Variants in TSPAN18 observed in about 807,000 individuals in gnomAD.
TSPAN18 encodes the protein tetraspanin 18.
Under a neutral mutation model 27.3 loss-of-function variants are expected in TSPAN18, and 14 were observed. The ratio of observed to expected loss-of-function variants is 0.51; its 90% confidence interval spans 0.34 to 0.80. TSPAN18 has a LOEUF of 0.80. Ranked by LOEUF, TSPAN18 falls within the 30% of genes least tolerant of loss-of-function variation. The pLI is 0.01. For synonymous variants in TSPAN18, 143 were observed against 136.5 expected (o/e 1.05, Z -0.33); for missense variants, 268 against 323.9 (o/e 0.83, Z 1.32).
intron 2 of TSPAN18, among the ~76,000 whole-genome samples, chr11:44,838,701 A>T (rs1181756303): frequency 6.6e-6 from 1 of 152,208 alleles, no homozygotes; most frequent in Non-Finnish European, 1.5e-5. Context: ...GTCAAGGAAG[A>T]TGGCAACCTC....
intron 2 of TSPAN18, among the ~76,000 whole-genome samples, chr11:44,797,223 C>G (rs545586071): frequency 3.9e-5 from 6 of 152,118 alleles, no homozygotes; most frequent in Non-Finnish European, 7.3e-5. Context: ...CTCTTTCTGC[C>G]CATTTTACAG....
chr11:44,874,124 C>T (rs1019075979), intron 3 of TSPAN18, among the ~76,000 whole-genome samples: 2 of 152,158 alleles, frequency 1.3e-5, no homozygotes, highest in Non-Finnish European at 2.9e-5. Context: ...ACCATGGAGC[C>T]GTGCACTCCT....
rs528433593 is a variant in TSPAN18 at position 44,741,267 on chromosome 11, C to T, written c.-240+13980C>T. ...TCCTCCCTTTCATTTGATAATTTTTCCTTCTCAAAGCAGTTTAATGAAAGA... is the reference window on the plus strand; with the variant it reads ...TCCTCCCTTTCATTTGATAATTTTTTCTTCTCAAAGCAGTTTAATGAAAGA... On this transcript the variant is annotated intron_variant, in intron 1 of 9. Transcript: ENST00000520358. Among the ~76,000 whole-genome samples the T allele has an allele frequency of 5.9e-5, 9 of 152,286 alleles. 1 individual carries two copies. The South Asian group carries it at 1.7e-3, about 28-fold the overall frequency.
chr11:44,908,786 A>AGAAAGAAGGAAG (rs1859576572), intron 4 of TSPAN18, among the ~76,000 whole-genome samples: 1 of 91,618 alleles, frequency 1.1e-5, no homozygotes, highest in African/African-American at 4.5e-5. Context: ...AAAGAAAGAA[A>AGAAAGAAGGAAG]GAAAGAAAGA....
intron 5 of TSPAN18, 106 bp downstream of exon 5, chr11:44,910,005 C>T: frequency 3.0e-6 from 4 of 1,345,580 alleles, no homozygotes; most frequent in Non-Finnish European, 4.0e-6. Flanking sequence ...CAGTGCTTCC[C>T]AAACTGGGGC....
intron 2 of TSPAN18, among the ~76,000 whole-genome samples, chr11:44,821,672 A>T (rs1436373913): frequency 3.9e-5 from 6 of 152,186 alleles, no homozygotes; most frequent in Non-Finnish European, 7.3e-5. Context: ...CCCTACTTGG[A>T]CTGAAAGCCA....
At chr11:44,816,043 T>C (rs1296130477) in intron 2 of TSPAN18, among the ~76,000 whole-genome samples, 1 of 152,126 alleles carries the variant, frequency 6.6e-6, no homozygotes, top group East Asian at 1.9e-4. Flanking sequence ...TATCGTGCCT[T>C]CCTGTGTGAC....
At chr11:44,768,960 G>T (rs10769080) in intron 2 of TSPAN18, among the ~76,000 whole-genome samples, 1 of 143,470 alleles carries the variant, frequency 7.0e-6, no homozygotes, top group Non-Finnish European at 1.5e-5. Flanking sequence ...GCAGTGGTGC[G>T]ATTTCTGGTC....
chr11:44,780,805 G>C (rs1855920441), intron 2 of TSPAN18, among the ~76,000 whole-genome samples: 1 of 152,216 alleles, frequency 6.6e-6, no homozygotes, highest in African/African-American at 2.4e-5. Context: ...CCTGTGAATG[G>C]TAGCTGTGAA....
At chr11:44,778,834 C>A (rs75583192) in intron 2 of TSPAN18, among the ~76,000 whole-genome samples, 8 of 152,110 alleles carry the variant, frequency 5.3e-5, no homozygotes, top group Non-Finnish European at 7.4e-5. Context: ...CAGCTGACAC[C>A]AAGGGCAGGG....
chr11:44,887,325 C>T (rs762170307), intron 3 of TSPAN18, among the ~76,000 whole-genome samples: 1 of 152,190 alleles, frequency 6.6e-6, no homozygotes, highest in Non-Finnish European at 1.5e-5. Context: ...GAACATGCAA[C>T]GTCCTTAACC....
intron 1 of TSPAN18, among the ~76,000 whole-genome samples, chr11:44,761,408 A>G (rs1018232436): frequency 6.6e-6 from 1 of 152,170 alleles, no homozygotes; most frequent in African/African-American, 2.4e-5. Flanking sequence ...GGGGACTGCA[A>G]TGAGATCTCA....
At chr11:44,728,231 G>A (rs1854566160) in intron 1 of TSPAN18, among the ~76,000 whole-genome samples, 1 of 152,248 alleles carries the variant, frequency 6.6e-6, no homozygotes, top group African/African-American at 2.4e-5. Flanking sequence ...AAGGCTAGGA[G>A]TCAGGATGTG....
chr11:44,918,194 G>C, intron 6 of TSPAN18, 148 bp downstream of exon 6: 1 of 778,288 alleles, frequency 1.3e-6, no homozygotes, highest in Non-Finnish European at 2.1e-6. Context: ...GGCCCCACCC[G>C]CCTGGCAAGG....
intron 2 of TSPAN18, among the ~76,000 whole-genome samples, chr11:44,825,157 A>G (rs1055961756): frequency 1.3e-5 from 2 of 152,084 alleles, no homozygotes; most frequent in African/African-American, 2.4e-5. Flanking sequence ...TGACTCCTGA[A>G]TATCAAAGGA....
At chr11:44,837,251 T>C (rs983365098) in intron 2 of TSPAN18, among the ~76,000 whole-genome samples, 1 of 152,186 alleles carries the variant, frequency 6.6e-6, no homozygotes, top group African/African-American at 2.4e-5. Context: ...TTAGAAGAAG[T>C]TGATTCTCAA....
At chr11:44,767,686 G>A (rs1487881974) in intron 2 of TSPAN18, among the ~76,000 whole-genome samples, 3 of 152,194 alleles carry the variant, frequency 2.0e-5, no homozygotes, top group Non-Finnish European at 2.9e-5. Flanking sequence ...TGCCAAATTC[G>A]AGATCATGGA....
At chr11:44,772,009 A>G (rs1855700145) in intron 2 of TSPAN18, among the ~76,000 whole-genome samples, 1 of 152,226 alleles carries the variant, frequency 6.6e-6, no homozygotes, top group African/African-American at 2.4e-5. Flanking sequence ...TGATGGTGTA[A>G]GTTCCAGTCC....
chr11:44,834,676 T>C (rs7124825), intron 2 of TSPAN18, among the ~76,000 whole-genome samples: 68,514 of 152,010 alleles, frequency 0.45, 15,964 homozygotes, highest in East Asian at 0.78. Flanking sequence ...AGCTGTAACC[T>C]GGTCATGTTG....
Sources: allele counts gnomAD v4.1 joint callset (sites outside exome capture counted in the v4.1 genomes callset), GRCh38; gene constraint gnomAD v4.1.1; transcripts MANE v1.5; gene names NCBI Gene and HGNC (gene_info 2026-07-23, HGNC 2026-07-21).